The following SLC5A9 variants were observed in gnomAD, a reference collection of about 807,000 sequenced individuals.
SLC5A9 encodes the protein solute carrier family 5 member 9, also known as sodium/glucose cotransporter 4.
SLC5A9 carries 59 observed loss-of-function variants against 70.9 expected under a neutral mutation model. The observed-to-expected ratio is 0.83, with a 90% CI of 0.68 to 1.03. SLC5A9 has a LOEUF of 1.03. SLC5A9 is among the 50% of genes least tolerant of loss of function. SLC5A9 has a pLI of 0.00. For synonymous variants in SLC5A9, 340 were observed against 346.5 expected, an observed-to-expected ratio of 0.98 and a Z score of 0.21; for missense variants, 832 against 881.1, an observed-to-expected ratio of 0.94 and a Z score of 0.71.
intron 12 of SLC5A9, chr1:48,241,964 C>T: frequency 2.2e-6 from 1 of 456,334 alleles, no homozygotes; most frequent in South Asian, 1.5e-5. Context: ...TTTTTGGCTT[C>T]ACTTTTACAA....
In SLC5A9 at chr1:48,232,358, C is replaced by A. The variant is rs1346982262; in HGVS notation, c.898-9C>A. On this transcript the variant is annotated splice_polypyrimidine_tract_variant and intron_variant, in intron 7 of 13. Coordinates refer to ENST00000438567, the MANE Select transcript of SLC5A9 (RefSeq NM_001011547.3). ...CCTGCGCTGCACTCCTCATTTGCTG[C>A]CCTTTCAGGTCATTGTGCAGCGGTC... 1 of 1,613,864 alleles carries A rather than the reference C, an allele frequency of 6.2e-7. No homozygotes were observed. Among genetic ancestry groups the A allele is most frequent in the Admixed American group, 1.7e-5 (1 of 60,014 alleles).
At chr1:48,227,118 TGTGA>T (rs1442395244) in intron 2 of SLC5A9, among the ~76,000 whole-genome samples, 3 of 150,662 alleles carry the variant, frequency 2.0e-5, no homozygotes, top group African/African-American at 7.4e-5. Context: ...TGTGCATGTG[TGTGA>T]GTGTATGTGT....
chr1:48,242,711 G>C, intron 13 of SLC5A9, 95 bp downstream of exon 13: 1 of 1,222,364 alleles, frequency 8.2e-7, no homozygotes, highest in Non-Finnish European at 1.1e-6. Flanking sequence ...CTCTGAGGGA[G>C]CCCAATAAAT....
chr1:48,245,400 A>G (rs1644449578), intron 13 of SLC5A9, among the ~76,000 whole-genome samples: 1 of 152,058 alleles, frequency 6.6e-6, no homozygotes, highest in South Asian at 2.1e-4. Context: ...AAGCCAAGAG[A>G]AATGCCTGCT....
intron 8 of SLC5A9, among the ~76,000 whole-genome samples, chr1:48,232,921 A>AAAAG (rs200400686): frequency 2.7e-5 from 4 of 146,416 alleles, no homozygotes; most frequent in Non-Finnish European, 6.0e-5. Context: ...GAAAGGAAGA[A>AAAAG]AAAGAAAGAA....
intron 13 of SLC5A9, among the ~76,000 whole-genome samples, chr1:48,244,878 G>GTGTGTATATATATATATA (rs1391896495): frequency 0.035 from 1,018 of 29,396 alleles, 302 homozygotes; most frequent in East Asian, 0.093. Context: ...ATGTGTATGT[G>GTGTGTATATATATATATA]TATATATATA....
At chr1:48,233,568 T>C in intron 8 of SLC5A9, 87 bp from the exon 9 acceptor site, 2 of 986,206 alleles carry the variant, frequency 2.0e-6, no homozygotes, top group Non-Finnish European at 3.2e-6. Context: ...CCAGTGAACA[T>C]TATCCTGTAG....
At position 48,239,165 on chromosome 1, in the gene SLC5A9, C is replaced by G. The variant is rs752964824; in HGVS notation, c.1462-157C>G. ...CTGTGCCTTTAAGTCAAGACGAAGT[C>G]TCAGTATTAATGGAGAACTCATTTT... is the stretch of plus-strand genomic sequence containing the variant. On this transcript the variant is annotated intron_variant, in intron 11 of 13. Coordinates refer to ENST00000438567, the MANE Select transcript of SLC5A9 (RefSeq NM_001011547.3). The surrounding 1 kb of genome is among the most constrained non-coding windows in gnomAD (Gnocchi z 4.2). Among the ~76,000 whole-genome samples the G allele has an allele frequency of 2.6e-5, 4 of 152,226 alleles. No homozygotes were observed. The highest frequency in any genetic ancestry group is 6.5e-5 in the Admixed American group (1 of 15,286).
chr1:48,231,722 A>G, intron 6 of SLC5A9, 97 bp downstream of exon 6: 1 of 1,546,108 alleles, frequency 6.5e-7, no homozygotes, highest in African/African-American at 1.4e-5. Context: ...TTTCCAGTGC[A>G]TAGAGCCATG....
At chr1:48,227,254 TGA>T (rs1644168301) in intron 2 of SLC5A9, among the ~76,000 whole-genome samples, 2 of 143,234 alleles carry the variant, frequency 1.4e-5, no homozygotes, top group Admixed American at 7.1e-5. Flanking sequence ...TGCCTGTGTG[TGA>T]GTGCATGTGT....
At chr1:48,227,176 C>CAT (rs1333095369) in intron 2 of SLC5A9, among the ~76,000 whole-genome samples, 50 of 90,002 alleles carry the variant, frequency 5.6e-4, no homozygotes, top group Non-Finnish European at 1.2e-3. Context: ...AGTGTGTGTG[C>CAT]GTGTGTGTGT....
intron 12 of SLC5A9, among the ~76,000 whole-genome samples, chr1:48,240,098 T>C (rs1557481980): frequency 1.3e-5 from 2 of 152,250 alleles, no homozygotes; most frequent in Admixed American, 6.5e-5. Flanking sequence ...AGCCTAGAGC[T>C]AGGGCTGCTG....
intron 5 of SLC5A9, among the ~76,000 whole-genome samples, chr1:48,231,251 G>A (rs1644243209): frequency 1.3e-5 from 2 of 152,220 alleles, no homozygotes; most frequent in South Asian, 4.1e-4. Flanking sequence ...TGCAAGTCAA[G>A]GAATGGACTT....
rs757121443 is a variant in SLC5A9 at position 48,235,781 on chromosome 1, C to CA, written c.1195dup (p.Thr399AsnfsTer14). Reference sequence around the variant, plus strand: ...TCATGGCCGCTCTCATGAGCTCACTCACCTCCATCTTCAACAGCAGCAGCA... The same window carrying CA: ...TCATGGCCGCTCTCATGAGCTCACTCAACCTCCATCTTCAACAGCAGCAGCA... On this transcript the variant is annotated frameshift_variant, in exon 10 of 14. Coordinates refer to ENST00000438567, the MANE Select transcript of SLC5A9 (RefSeq NM_001011547.3). LOFTEE classifies it high-confidence loss of function. 6.2e-7 allele frequency: 1 copy of CA among 1,614,218 alleles called. No individual in the cohort carries two copies. Among genetic ancestry groups the CA allele is most frequent in the Non-Finnish European group, 8.5e-7 (1 of 1,180,036 alleles).
intron 13 of SLC5A9, among the ~76,000 whole-genome samples, chr1:48,244,764 AT>A (rs1644432891): frequency 7.3e-6 from 1 of 136,576 alleles, no homozygotes; most frequent in African/African-American, 2.7e-5. Context: ...TATATTATAT[AT>A]AAATTATATT....
chr1:48,227,258 T>C (rs1055175908), intron 2 of SLC5A9, among the ~76,000 whole-genome samples: 3 of 138,720 alleles, frequency 2.2e-5, no homozygotes, highest in Non-Finnish European at 4.6e-5. Context: ...TGTGTGTGAG[T>C]GCATGTGTGT....
intron 13 of SLC5A9, among the ~76,000 whole-genome samples, chr1:48,245,187 T>C (rs1043502544): frequency 6.6e-6 from 1 of 151,166 alleles, no homozygotes; most frequent in African/African-American, 2.4e-5. Context: ...AGCATGAGCT[T>C]TTGTAGATGA....
chr1:48,235,689 T>G, intron 9 of SLC5A9, 40 bp from the exon 10 acceptor site: 3 of 1,612,182 alleles, frequency 1.9e-6, no homozygotes, highest in Non-Finnish European at 2.5e-6. Flanking sequence ...GAGCCGGCCT[T>G]AATGGGCCAG....
intron 7 of SLC5A9, 85 bp downstream of exon 7, chr1:48,232,236 G>A: frequency 6.4e-7 from 1 of 1,557,202 alleles, no homozygotes; most frequent in South Asian, 1.2e-5. Flanking sequence ...ATGCATAGAG[G>A]GTTGGACCTC....
Sources: allele counts gnomAD v4.1 joint callset (sites outside exome capture counted in the v4.1 genomes callset), GRCh38; gene constraint gnomAD v4.1.1; non-coding constraint Gnocchi (gnomAD v3.1); transcripts MANE v1.5; gene names NCBI Gene and HGNC (gene_info 2026-07-23, HGNC 2026-07-21).